The following RNF144A variants were observed in gnomAD, a reference collection of about 807,000 sequenced individuals.
RNF144A encodes E3 ubiquitin-protein ligase RNF144A.
A neutral mutation model predicts 38.7 loss-of-function variants in RNF144A; 11 were observed. That is an observed-to-expected ratio of 0.28 (90% CI 0.18 to 0.47). The LOEUF (loss-of-function observed/expected upper bound fraction) is 0.47, where lower values mean the gene tolerates loss of function less well. Ranked by LOEUF, RNF144A falls within the 20% of genes least tolerant of loss-of-function variation. The pLI is 0.99. For synonymous variants in RNF144A, 149 were observed against 143.9 expected (o/e 1.04, Z -0.25); for missense variants, 316 against 377.2 (o/e 0.84, Z 1.34).
downstream of RNF144A, among the ~76,000 whole-genome samples, chr2:7,071,709 A>G (rs1674491169): frequency 6.6e-6 from 1 of 152,214 alleles, no homozygotes; most frequent in South Asian, 2.1e-4. Flanking sequence ...TTCTGGTGAT[A>G]GTGTTGTATG....
Position 6,917,493 on chromosome 2 carries a change from A to G in RNF144A, c.-341A>G, listed in dbSNP as rs1480688783. The G allele has an allele frequency of 6.8e-6, 1 of 147,180 alleles. No homozygotes were observed. The highest frequency in any genetic ancestry group is 2.4e-5 in the African/African-American group (1 of 40,890). The allele number at this position is 147,180 out of a possible 1,614,324, so 9.1% of individuals were successfully genotyped here. ...GCAGGCGGGAGGCGGCAGGGCTGGC[A>G]TTGCAGTGCGGGCCGTGCGGGCTGC... On this transcript the variant is annotated 5_prime_UTR_variant, in exon 1 of 9. Coordinates refer to ENST00000320892, the MANE Select transcript of RNF144A (RefSeq NM_014746.6). The surrounding 1 kb of genome is among the most constrained non-coding windows in gnomAD (Gnocchi z 4.8).
intron 2 of RNF144A, among the ~76,000 whole-genome samples, chr2:6,951,592 A>G (rs76140988): frequency 0.067 from 10,255 of 152,260 alleles, 394 homozygotes; most frequent in East Asian, 0.1. Context: ...TTTCTCATCC[A>G]TGAACATCGT....
chr2:6,989,878 A>G (rs574957184), intron 2 of RNF144A, among the ~76,000 whole-genome samples: 1 of 152,294 alleles, frequency 6.6e-6, no homozygotes, highest in East Asian at 1.9e-4. Flanking sequence ...TTCTTAAAAA[A>G]AAGAAGAAAA....
chr2:6,979,865 G>T (rs1169265372), intron 2 of RNF144A, among the ~76,000 whole-genome samples: 1 of 152,188 alleles, frequency 6.6e-6, no homozygotes, highest in East Asian at 1.9e-4. Context: ...GATACTACCT[G>T]AGACTGAGTA....
rs1344053239 is a variant in RNF144A, at chr2:7,014,768, A to G, written c.297A>G (p.Glu99=). The G allele has an allele frequency of 1.6e-5, 26 of 1,609,512 alleles. No homozygotes were observed. The highest frequency in any genetic ancestry group is 2.2e-5 in the Non-Finnish European group (26 of 1,176,164). Residue 99 remains glutamate (E), a synonymous_variant, in exon 5 of 9, where the codon GAA becomes GAG. Transcript: ENST00000320892. ...AAAGATATAAAAAGCTACAATTTGA[A>G]AGAGGTAGGTGCCTGGTATATCTGC... ...IMQRYKKLQF[E]REVLFDPCRT...
Position 7,020,642 on chromosome 2 carries a change from G to A in RNF144A, c.471G>A (p.Pro157=), listed in dbSNP as rs763202435. ...KASWHPGQGC[P]ETMPITFLPG... is the part of the protein sequence containing the mutation. The stretch of plus-strand genomic sequence containing the variant: ...GCTGGCACCCTGGCCAGGGCTGCCC[G>A]GAGACCATGCCGATCACCTTCCTCC... Residue 157 remains proline, a synonymous_variant, in exon 6 of 9, where the codon CCG becomes CCA. Transcript: ENST00000320892. 28 of 1,606,950 alleles carry A rather than the reference G, an allele frequency of 1.7e-5. No individual in the cohort carries two copies. The highest frequency in any genetic ancestry group is 1.9e-5 in the Non-Finnish European group (23 of 1,179,988).
Position 6,990,385 on chromosome 2 carries a change from T to TACACACAC in RNF144A, c.-11-6487_-11-6480dup, listed in dbSNP as rs60196595. ...TTCCTTCCTAAAGACTATATATATT[T>TACACACAC]ACACACACACACACACACACACACA... On this transcript the variant is annotated intron_variant, in intron 2 of 8. Coordinates refer to ENST00000320892, the MANE Select transcript of RNF144A (RefSeq NM_014746.6). Among the ~76,000 whole-genome samples the TACACACAC allele has an allele frequency of 5.5e-4, 68 of 123,880 alleles. 1 individual carries two copies. Among genetic ancestry groups the TACACACAC allele is most frequent in the South Asian group, 1.4e-3 (5 of 3,668 alleles). The allele number at this position is 123,880 out of a possible 152,430, so 81.3% of individuals were successfully genotyped here. A position where few individuals can be genotyped will look rare whatever the true frequency, so the allele number is the denominator to read the frequency against.
chr2:7,068,106 C>T, intron 6 of RNF144A: 1 of 522,646 alleles, frequency 1.9e-6, no homozygotes. Flanking sequence ...TTCCCTGTTG[C>T]AAAATCCCTT....
At chr2:6,957,824 C>G (rs2103324469) in intron 2 of RNF144A, among the ~76,000 whole-genome samples, 1 of 152,322 alleles carries the variant, frequency 6.6e-6, no homozygotes, top group Admixed American at 6.5e-5. Flanking sequence ...TCCTCCTACC[C>G]CTTTTCCAAT....
At chr2:7,071,481 C>T (rs1341841972), downstream of RNF144A, among the ~76,000 whole-genome samples, 1 of 152,244 alleles carries the variant, frequency 6.6e-6, no homozygotes, top group Non-Finnish European at 1.5e-5. Context: ...AGCCTCACTA[C>T]TTCCCAGCCG....
rs144461592 is a variant in RNF144A, at chr2:6,950,942, C to T, written c.-12+9795C>T. On this transcript the variant is annotated intron_variant, in intron 2 of 8. Transcript: ENST00000320892. The stretch of plus-strand genomic sequence containing the variant: ...TTGTTTCAAGTGTTAAAAATATTAC[C>T]TCCCAGTTTGTGTCATCCATTTTCA... Among the ~76,000 whole-genome samples the T allele has an allele frequency of 1.4e-3, 214 of 152,104 alleles. 1 individual carries two copies. The East Asian group carries it at 0.035, about 25-fold the overall frequency.
In RNF144A at chr2:6,929,899, G is replaced by A. The variant is rs368732149; in HGVS notation, c.-211-11049G>A. 3.3e-5 allele frequency among the ~76,000 whole-genome samples: 5 copies of A among 152,280 alleles called. No homozygotes were observed. The East Asian group carries it at 7.7e-4, about 23-fold the overall frequency. On this transcript the variant is annotated intron_variant, in intron 1 of 8. Coordinates refer to ENST00000320892, the MANE Select transcript of RNF144A (RefSeq NM_014746.6). ...AAAGTAGCTAAAAAAGTGCATTTTC[G>A]AATATGATGAAGTGGGTCCTGCTGC...
chr2:6,934,036 A>T (rs1042864307), intron 1 of RNF144A, among the ~76,000 whole-genome samples: 7 of 152,162 alleles, frequency 4.6e-5, no homozygotes, highest in Non-Finnish European at 8.8e-5. Flanking sequence ...TACTTAGGGC[A>T]GCACATGTGG....
chr2:7,072,173 C>T (rs1001462164), downstream of RNF144A, among the ~76,000 whole-genome samples: 1 of 152,200 alleles, frequency 6.6e-6, no homozygotes, highest in African/African-American at 2.4e-5. Flanking sequence ...AATGTTTAGC[C>T]ACATGCTAGA....
rs140237170 is a variant in RNF144A, at chr2:6,954,970, G to A, written c.-12+13823G>A. On this transcript the variant is annotated intron_variant, in intron 2 of 8. Transcript: ENST00000320892. ...ACACTACCGTTTTTAAAAAGATAGT[G>A]TTATTTTTAAAATAGACACCTCTTT... Among the ~76,000 whole-genome samples, 120 of 152,290 alleles carry A rather than the reference G, an allele frequency of 7.9e-4. No individual in the cohort carries two copies. The East Asian group carries it at 0.021, about 27-fold the overall frequency.
At chr2:6,936,743 T>G (rs768858817) in intron 1 of RNF144A, among the ~76,000 whole-genome samples, 32 of 152,142 alleles carry the variant, frequency 2.1e-4, no homozygotes, top group Non-Finnish European at 4.1e-4. Context: ...AAGGTGTAAA[T>G]TAATTAATTG....
At chr2:6,932,946 G>A (rs1665294608) in intron 1 of RNF144A, 1 of 152,202 alleles carries the variant, frequency 6.6e-6, no homozygotes, top group East Asian at 1.9e-4. Flanking sequence ...GTTTCCCAGT[G>A]TACAGACTAT....
chr2:7,014,114 G>C (rs567199784), intron 3 of RNF144A, among the ~76,000 whole-genome samples: 3 of 152,188 alleles, frequency 2.0e-5, no homozygotes, highest in Admixed American at 1.3e-4. Flanking sequence ...CATCTTATAG[G>C]CATTTGAGAA....
At chr2:7,002,367 A>T (rs1670165917) in intron 3 of RNF144A, among the ~76,000 whole-genome samples, 1 of 152,140 alleles carries the variant, frequency 6.6e-6, no homozygotes, top group Admixed American at 6.5e-5. Flanking sequence ...GTGGGCTGCG[A>T]TCATTTGGGG....
Sources: gnomAD v4.1 joint callset for allele counts (sites outside exome capture counted in the v4.1 genomes callset) on GRCh38, gnomAD v4.1.1 for gene constraint, Gnocchi (gnomAD v3.1) non-coding constraint, MANE v1.5 for transcripts, NCBI Gene and HGNC (gene_info 2026-07-23, HGNC 2026-07-21) for gene names.